UCKL1: variants seen among roughly 807,000 people sequenced by gnomAD.
The protein encoded by UCKL1 is uridine-cytidine kinase-like 1.
Under a neutral mutation model 59.2 loss-of-function variants are expected in UCKL1, and 65 were observed. The observed-to-expected ratio is 1.10, with a 90% CI of 0.90 to 1.35. The LOEUF (loss-of-function observed/expected upper bound fraction) is 1.35. Ranked by LOEUF, UCKL1 falls within the 40% of genes most tolerant of loss-of-function variation. The probability of loss-of-function intolerance (pLI) is 0.00; values close to 1 mark genes in which losing one functional copy is unlikely to be tolerated. For synonymous variants in UCKL1, 410 were observed against 323.1 expected (o/e 1.27, Z -2.88); for missense variants, 703 against 784.3 (o/e 0.90, Z 1.24).
chr20:63,946,320 G>C (rs2056187501), intron 2 of UCKL1, 53 bp from the exon 3 acceptor site: 2 of 1,548,934 alleles, frequency 1.3e-6, no homozygotes, highest in South Asian at 1.2e-5. Flanking sequence ...TGCCGGCACA[G>C]ATAGGTCCCA....
chr20:63,954,480 T>G (rs1370845092), intron 1 of UCKL1: 4 of 152,064 alleles, frequency 2.6e-5, no homozygotes, highest in African/African-American at 9.7e-5. Context: ...GGGACAGACC[T>G]CCACCCGTGC....
chr20:63,947,548 A>C (rs779547592), intron 1 of UCKL1, among the ~76,000 whole-genome samples: 6 of 152,208 alleles, frequency 3.9e-5, no homozygotes, highest in Admixed American at 2.0e-4. Flanking sequence ...CCAGGACCTG[A>C]TTCTCCTGCA....
intron 5 of UCKL1, among the ~76,000 whole-genome samples, chr20:63,945,097 C>T (rs1482761200): frequency 6.6e-6 from 1 of 152,188 alleles, no homozygotes; most frequent in East Asian, 1.9e-4. Context: ...CTTGGGGTAA[C>T]TTGCACCAAC....
intron 8 of UCKL1, chr20:63,942,651 T>C: frequency 1.9e-6 from 1 of 517,994 alleles, no homozygotes; most frequent in Non-Finnish European, 3.8e-6. Flanking sequence ...CAGCCCTGCC[T>C]GACCCTCCCT....
At chr20:63,947,589 C>G (rs948351517) in intron 1 of UCKL1, among the ~76,000 whole-genome samples, 1 of 152,260 alleles carries the variant, frequency 6.6e-6, no homozygotes, top group Non-Finnish European at 1.5e-5. Context: ...GTGCCTCGGC[C>G]TGGCCTCTCT....
intron 8 of UCKL1, among the ~76,000 whole-genome samples, chr20:63,942,921 G>A (rs117512405): frequency 0.016 from 2,486 of 152,262 alleles, 44 homozygotes; most frequent in Non-Finnish European, 0.019. Flanking sequence ...GCTGGTGGAC[G>A]GGCCCTGGAG....
chr20:63,952,847 T>G (rs948658368), intron 1 of UCKL1, among the ~76,000 whole-genome samples: 1 of 152,212 alleles, frequency 6.6e-6, no homozygotes, highest in African/African-American at 2.4e-5. Context: ...TGCCTCAGTT[T>G]CCTCCTCAAG....
intron 1 of UCKL1, 78 bp downstream of exon 1, chr20:63,956,182 C>G: frequency 7.7e-7 from 1 of 1,301,184 alleles, no homozygotes; most frequent in Non-Finnish European, 1.0e-6. Context: ...GCGGCGGGGA[C>G]GGACCACCCG....
intron 1 of UCKL1, among the ~76,000 whole-genome samples, chr20:63,948,997 C>G (rs987116669): frequency 6.6e-6 from 1 of 152,056 alleles, no homozygotes; most frequent in Non-Finnish European, 1.5e-5. Context: ...GAGCCCAGCC[C>G]GACACGTGAC....
chr20:63,942,490 C>T, intron 8 of UCKL1: 1 of 1,175,996 alleles, frequency 8.5e-7, no homozygotes, highest in Non-Finnish European at 1.1e-6. Context: ...GTAGCTTCCT[C>T]TGCTTGCCAG....
intron 8 of UCKL1, among the ~76,000 whole-genome samples, chr20:63,943,012 C>T (rs937513318): frequency 2.6e-4 from 39 of 152,164 alleles, no homozygotes; most frequent in African/African-American, 9.2e-4. Context: ...CAGGAGCCTC[C>T]CAACCCACAG....
chr20:63,944,867 G>A lies in UCKL1; in HGVS notation c.655-133C>T, dbSNP rs530081383. On this transcript the variant is annotated intron_variant, in intron 5 of 14. Transcript: ENST00000354216. ...CCACTTCCCCAGGGCACCCTGGCAG[G>A]TGGGGAGGAGTGGGGAGGTGGGGGT... The A allele has an allele frequency of 3.2e-5, 34 of 1,056,564 alleles. No homozygotes were observed. In the South Asian group the frequency reaches 4.9e-4, roughly 15 times the overall value. 65.4% of individuals were successfully genotyped at this position (1,056,564 alleles called of 1,614,324 possible). A position where few individuals can be genotyped will look rare whatever the true frequency, so the allele number is the denominator to read the frequency against.
Position 63,943,682 on chromosome 20 carries a change from C to G in UCKL1, c.907-13G>C. On this transcript the variant is annotated splice_polypyrimidine_tract_variant and intron_variant, in intron 7 of 14. Transcript: ENST00000354216. ...CGCTGAGTTCACGCTGTGGCAGCAA[C>G]ACAGGAAGACACAAGGGAACGGTGG... 3 of 1,612,618 alleles carry G rather than the reference C, an allele frequency of 1.9e-6. No individual in the cohort carries two copies. Among genetic ancestry groups the G allele is most frequent in the Non-Finnish European group, 2.5e-6 (3 of 1,179,884 alleles).
intron 1 of UCKL1, among the ~76,000 whole-genome samples, chr20:63,948,628 GAGGGA>G (rs1569123117): frequency 1.4e-4 from 2 of 13,902 alleles, no homozygotes; most frequent in Non-Finnish European, 1.5e-4. Flanking sequence ...GCGTGTGTGA[GAGGGA>G]AGGGGCGTGT....
At chr20:63,950,707 C>T (rs1259878118) in intron 1 of UCKL1, 2 of 1,461,004 alleles carry the variant, frequency 1.4e-6, no homozygotes, top group African/African-American at 2.9e-5. Flanking sequence ...GTGGCCAGGA[C>T]CACAGCACAA....
chr20:63,944,508 C>T lies in UCKL1; in HGVS notation c.844+37G>A, dbSNP rs1054099220. On this transcript the variant is annotated intron_variant, in intron 6 of 14. Transcript: ENST00000354216. The stretch of plus-strand genomic sequence containing the variant: ...GACCGGGGGCTGGGCCGTTGGCCTG[C>T]CCGACACCCACCCAACAGGCAGCCC... 6.9e-6 allele frequency: 11 copies of T among 1,591,024 alleles called. No homozygotes were observed. The African/African-American group carries it at 9.4e-5, about 14-fold the overall frequency.
At chr20:63,952,400 G>A (rs1012576609) in intron 1 of UCKL1, among the ~76,000 whole-genome samples, 2 of 152,172 alleles carry the variant, frequency 1.3e-5, no homozygotes, top group African/African-American at 4.8e-5. Context: ...AGCTGTGAAT[G>A]GAACCACCAG....
At chr20:63,956,218 CT>C in intron 1 of UCKL1, 41 bp downstream of exon 1, 1 of 1,473,714 alleles carries the variant, frequency 6.8e-7, no homozygotes, top group Non-Finnish European at 9.0e-7. Context: ...TCTGCAGCCC[CT>C]TCCCGCTCGC....
At chr20:63,941,277 C>A in intron 8 of UCKL1, 69 bp from the exon 9 acceptor site, 1 of 1,452,250 alleles carries the variant, frequency 6.9e-7, no homozygotes, top group East Asian at 2.6e-5. Flanking sequence ...CCCCACAGGA[C>A]GGCTGTGCGT....
Sources: allele counts gnomAD v4.1 joint callset (sites outside exome capture counted in the v4.1 genomes callset), GRCh38; gene constraint gnomAD v4.1.1; transcripts MANE v1.5; gene names NCBI Gene and HGNC (gene_info 2026-07-23, HGNC 2026-07-21).